The following VANGL2 variants were observed in gnomAD, a reference collection of about 807,000 sequenced individuals.
VANGL2 encodes the protein vang-like protein 2.
Under a neutral mutation model 50.2 loss-of-function variants are expected in VANGL2, and 14 were observed. The ratio of observed to expected loss-of-function variants is 0.28; its 90% CI spans 0.18 to 0.44. VANGL2 has a LOEUF of 0.44. Among genes scored for constraint, VANGL2 ranks in the 20% least tolerant of loss-of-function variants. The pLI is 1.00. For synonymous variants in VANGL2, 295 were observed against 297.2 expected (o/e 0.99, Z 0.08); for missense variants, 533 against 701.5 (o/e 0.76, Z 2.71).
chr1:160,410,090 C>T (rs550001568), intron 1 of VANGL2, among the ~76,000 whole-genome samples: 14 of 152,262 alleles, frequency 9.2e-5, no homozygotes, highest in Admixed American at 8.5e-4. Context: ...AGTAATCACA[C>T]CCATTTCCCT....
At chr1:160,411,033 T>TC (rs977250154) in intron 1 of VANGL2, among the ~76,000 whole-genome samples, 22 of 147,614 alleles carry the variant, frequency 1.5e-4, no homozygotes, top group African/African-American at 4.0e-4. Flanking sequence ...CCTGCCAAGC[T>TC]CCCCCCCAAT....
rs1375522759 is a variant in VANGL2, at chr1:160,419,769, A to G, written c.800+160A>G. On this transcript the variant is annotated intron_variant, in intron 4 of 7. Transcript: ENST00000368061. This position sits in a 1 kb window ranked among gnomAD's most constrained non-coding sequence, Gnocchi z 5.8. ...CTTTGCACCAAGTAGGTTTTCACCA[A>G]TGTTTGCTGCTTGATAGGCAGGTTC... 1.3e-5 allele frequency among the ~76,000 whole-genome samples: 2 copies of G among 151,998 alleles called. No homozygotes were observed. Among genetic ancestry groups the G allele is most frequent in the East Asian group, 1.9e-4 (1 of 5,174 alleles).
rs1380487214 is a variant in VANGL2, at chr1:160,427,457, A to T, written c.*2079A>T. On this transcript the variant is annotated 3_prime_UTR_variant, in exon 8 of 8. Transcript: ENST00000368061. The stretch of plus-strand genomic sequence containing the variant: ...TTTTCATTCCCCTTTCCTAAAAAAA[A>T]TTTTTTGCCTCCAACTCTCTAAGCA... The T allele has an allele frequency of 2.0e-5, 3 of 151,918 alleles. No homozygotes were observed. The highest frequency in any genetic ancestry group is 4.9e-5 in the African/African-American group (2 of 41,174). The allele number at this position is 151,918 out of a possible 1,614,324, so 9.4% of individuals were successfully genotyped here.
chr1:160,401,507 C>T (rs1557902647), intron 1 of VANGL2, among the ~76,000 whole-genome samples: 2 of 151,936 alleles, frequency 1.3e-5, no homozygotes, highest in African/African-American at 2.4e-5. Flanking sequence ...GTGGGCTCTG[C>T]GTTAGTGAGT....
rs1651544062 is a variant in VANGL2 at position 160,428,361 on chromosome 1, T to C, written c.*2983T>C. The C allele has an allele frequency of 6.6e-6, 1 of 152,588 alleles. No individual in the cohort carries two copies. Among genetic ancestry groups the C allele is most frequent in the South Asian group, 2.1e-4 (1 of 4,824 alleles). 9.5% of individuals were successfully genotyped at this position (152,588 alleles called of 1,614,324 possible). On this transcript the variant is annotated 3_prime_UTR_variant, in exon 8 of 8. Transcript: ENST00000368061. Reference sequence around the variant, plus strand: ...AGTCCTGGTGTGTGATTGTTGTGATTTGTTCTTCCGTGCGCAAAAGGAAGA... The same window carrying C: ...AGTCCTGGTGTGTGATTGTTGTGATCTGTTCTTCCGTGCGCAAAAGGAAGA...
Position 160,425,173 on chromosome 1 carries a change from G to T in VANGL2, c.1361G>T (p.Arg454Leu). Residue 454 changes from arginine (R) to leucine (L), a missense_variant, in exon 8 of 8, where the codon CGC (arginine) becomes CTC (leucine). By Grantham distance (102) the Arg-to-Leu change is moderately radical. Transcript: ENST00000368061. ...AGPTIQYHKE[R>L]WLAKQWTLVS... The stretch of plus-strand genomic sequence containing the variant: ...CCTACCATCCAGTACCACAAGGAAC[G>T]CTGGCTGGCCAAACAGTGGACATTG... 6.2e-7 allele frequency: 1 copy of T among 1,614,110 alleles called. No individual in the cohort carries two copies. Among genetic ancestry groups the T allele is most frequent in the Non-Finnish European group, 8.5e-7 (1 of 1,180,020 alleles).
chr1:160,409,927 A>G (rs1650816886), intron 1 of VANGL2, among the ~76,000 whole-genome samples: 1 of 152,196 alleles, frequency 6.6e-6, no homozygotes, highest in Non-Finnish European at 1.5e-5. Context: ...GGAGCCAGGC[A>G]GCTAGGGGGT....
rs1557913564 is a variant in VANGL2 at position 160,425,305 on chromosome 1, A to G, written c.1493A>G (p.Lys498Arg). The G allele has an allele frequency of 6.2e-7, 1 of 1,613,648 alleles. No homozygotes were observed. The highest frequency in any genetic ancestry group is 1.3e-5 in the African/African-American group (1 of 74,784). ...AGCACCAAGAAGGTCCCATTCTTCA[A>G]ACTCTCCGAGGAATTTGTGGATCCC... is the stretch of plus-strand genomic sequence containing the variant. Reference protein sequence around the residue: ...VVSTKKVPFFKLSEEFVDPKS... With the variant: ...VVSTKKVPFFRLSEEFVDPKS... Residue 498 changes from lysine (K) to arginine (R), a missense_variant, in exon 8 of 8, where the codon AAA becomes AGA. Physicochemically the swap from Lys to Arg is conservative, Grantham distance 26. Transcript: ENST00000368061.
chr1:160,424,208 G>A lies in VANGL2; in HGVS notation c.1230G>A (p.Lys410=), dbSNP rs752628816. 1.2e-5 allele frequency: 20 copies of A among 1,614,132 alleles called. No homozygotes were observed. Among genetic ancestry groups the A allele is most frequent in the Non-Finnish European group, 1.7e-5 (20 of 1,180,034 alleles). The change falls in exon 7 of 8, where the codon AAG becomes AAA. Residue 410 remains lysine (K), a synonymous_variant. Coordinates refer to ENST00000368061, the MANE Select transcript of VANGL2 (RefSeq NM_020335.3). ...TGCAGAAGTACCTTCGGACCACCAAGCAGCAGCCCTACCACACCATGGAGA... is the reference window on the plus strand; with the variant it reads ...TGCAGAAGTACCTTCGGACCACCAAACAGCAGCCCTACCACACCATGGAGA... ...RAMQKYLRTT[K]QQPYHTMESI... is the part of the protein sequence containing the mutation.
In VANGL2 at chr1:160,419,698, G is replaced by A. The variant is rs1023798682; in HGVS notation, c.800+89G>A. 3 of 1,525,670 alleles carry A rather than the reference G, an allele frequency of 2.0e-6. No homozygotes were observed. The African/African-American group carries it at 4.1e-5, about 21-fold the overall frequency. 94.5% of individuals were successfully genotyped at this position (1,525,670 alleles called of 1,614,324 possible). A position where few individuals can be genotyped will look rare whatever the true frequency, so the allele number is the denominator to read the frequency against. Reference sequence around the variant, plus strand: ...CTAGGGTGGGAGGGTATGATGGTGGGCTGGAGGTGATGGGCTTGGAGGGTT... The same window carrying A: ...CTAGGGTGGGAGGGTATGATGGTGGACTGGAGGTGATGGGCTTGGAGGGTT... On this transcript the variant is annotated intron_variant, in intron 4 of 7. Coordinates refer to ENST00000368061, the MANE Select transcript of VANGL2 (RefSeq NM_020335.3). This position sits in a 1 kb window ranked among gnomAD's most constrained non-coding sequence, Gnocchi z 5.8.
At chr1:160,423,854 G>A (rs1251468642) in intron 6 of VANGL2, among the ~76,000 whole-genome samples, 198 bp from the exon 7 acceptor site, 1 of 152,358 alleles carries the variant, frequency 6.6e-6, no homozygotes, top group Non-Finnish European at 1.5e-5. Context: ...CTGAGTCCCT[G>A]GGCTGGGCCC....
chr1:160,406,400 C>T (rs1472997157), intron 1 of VANGL2, among the ~76,000 whole-genome samples: 2 of 152,180 alleles, frequency 1.3e-5, no homozygotes, highest in East Asian at 1.9e-4. Context: ...AGTCAGAGAA[C>T]GATCTCATCT....
At position 160,425,118 on chromosome 1, in the gene VANGL2, G is replaced by A; in HGVS notation, c.1306G>A (p.Ala436Thr). Residue 436 changes from alanine (A) to threonine (T), a missense_variant and splice_region_variant, in exon 8 of 8, where the codon GCC (alanine) becomes ACC (threonine). Ala to Thr is a moderately conservative substitution (Grantham distance 58, BLOSUM62 0). Coordinates refer to ENST00000368061, the MANE Select transcript of VANGL2 (RefSeq NM_020335.3). ...FCITHDMTPK[A>T]FLERYLAAGP... Reference sequence around the variant, plus strand: ...ATGCAGCCCCTTCTTTCCACTTCAGGCCTTCTTGGAGCGATACTTGGCGGC... The same window carrying A: ...ATGCAGCCCCTTCTTTCCACTTCAGACCTTCTTGGAGCGATACTTGGCGGC... 6.2e-7 allele frequency: 1 copy of A among 1,613,996 alleles called. No homozygotes were observed. The highest frequency in any genetic ancestry group is 8.5e-7 in the Non-Finnish European group (1 of 1,179,948).
chr1:160,404,211 CAG>C (rs1302339357), intron 1 of VANGL2, among the ~76,000 whole-genome samples: 6 of 152,128 alleles, frequency 3.9e-5, no homozygotes, highest in Non-Finnish European at 7.4e-5. Context: ...GTGTGAAGCA[CAG>C]GGGATGGAGG....
chr1:160,423,193 A>T (rs1393248551), intron 6 of VANGL2, among the ~76,000 whole-genome samples: 1 of 152,164 alleles, frequency 6.6e-6, no homozygotes. Flanking sequence ...GGCATGAGCC[A>T]CCACACCCGG....
Position 160,415,899 on chromosome 1 carries a change from G to T in VANGL2, c.62G>T (p.Arg21Leu). 1 of 1,614,146 alleles carries T rather than the reference G, an allele frequency of 6.2e-7. No individual in the cohort carries two copies. Among genetic ancestry groups the T allele is most frequent in the African/African-American group, 1.3e-5 (1 of 75,054 alleles). ...SYKSGHSRSS[R>L]KHRDRRDRHR... The stretch of plus-strand genomic sequence containing the variant: ...AAGTCGGGCCACTCCCGCAGCTCCC[G>T]CAAGCACAGGTGGGCAGGCATGCAG... Residue 21 changes from arginine (R) to leucine (L), a missense_variant, in exon 2 of 8, where the codon CGC becomes CTC. Transcript: ENST00000368061.
intron 1 of VANGL2, among the ~76,000 whole-genome samples, chr1:160,410,070 G>A (rs1650822277): frequency 1.3e-5 from 2 of 152,118 alleles, no homozygotes; most frequent in African/African-American, 4.8e-5. Context: ...CTTCAGGCAG[G>A]TTCTGAAGCA....
rs1651543591 is a variant in VANGL2 at position 160,428,342 on chromosome 1, GGT to G, written c.*2970_*2971del. On this transcript the variant is annotated 3_prime_UTR_variant, in exon 8 of 8. Transcript: ENST00000368061. The stretch of plus-strand genomic sequence containing the variant: ...AGTATCTGCTGATGGATTCAGTCCT[GGT>G]GTGTGATTGTTGTGATTTGTTCTTC... 1 of 152,598 alleles carries G rather than the reference GGT, an allele frequency of 6.6e-6. No homozygotes were observed. The highest frequency in any genetic ancestry group is 1.5e-5 in the Non-Finnish European group (1 of 68,054). 9.5% of individuals were successfully genotyped at this position (152,598 alleles called of 1,614,324 possible). A position where few individuals can be genotyped will look rare whatever the true frequency, so the allele number is the denominator to read the frequency against.
rs1047426892 is a variant in VANGL2, at chr1:160,410,664, C to T, written c.-190-4984C>T. 5.6e-5 allele frequency among the ~76,000 whole-genome samples: 8 copies of T among 142,934 alleles called. No individual in the cohort carries two copies. The East Asian group carries it at 1.6e-3, about 29-fold the overall frequency. 93.8% of individuals were successfully genotyped at this position (142,934 alleles called of 152,430 possible). On this transcript the variant is annotated intron_variant, in intron 1 of 7. Transcript: ENST00000368061. ...CCTGGTCTGTGTTTTGGCCAACACCCACCCCCCTTATACACACACACACAC... is the reference window on the plus strand; with the variant it reads ...CCTGGTCTGTGTTTTGGCCAACACCTACCCCCCTTATACACACACACACAC...
Sources: gnomAD v4.1 joint callset for allele counts (sites outside exome capture counted in the v4.1 genomes callset) on GRCh38, gnomAD v4.1.1 for gene constraint, Gnocchi (gnomAD v3.1) non-coding constraint, MANE v1.5 for transcripts, NCBI Gene and HGNC (gene_info 2026-07-23, HGNC 2026-07-21) for gene names.